BCAS1: variants seen among roughly 807,000 people sequenced by gnomAD.
BCAS1 encodes the protein breast carcinoma-amplified sequence 1.
In BCAS1, 46 loss-of-function variants were observed where a neutral mutation model predicts 65.4. That is an observed-to-expected ratio of 0.70 (90% CI 0.55 to 0.90). The LOEUF is 0.90. Ranked by LOEUF, BCAS1 falls within the 40% of genes least tolerant of loss-of-function variation. The pLI, the probability that BCAS1 is intolerant of heterozygous loss-of-function variation, is 0.00. For missense variants in BCAS1, 793 were observed against 771.2 expected, an observed-to-expected ratio of 1.03 and a Z score of -0.33; for synonymous variants, 298 against 293.5, an observed-to-expected ratio of 1.02 and a Z score of -0.16.
At chr20:53,975,237 T>C in intron 9 of BCAS1, 152 bp downstream of exon 9, 1 of 588,606 alleles carries the variant, frequency 1.7e-6, no homozygotes, top group African/African-American at 1.9e-5. Context: ...CCTCCATGCG[T>C]CCCTAATCAC....
chr20:53,982,820 T>C (rs2090516377), intron 8 of BCAS1, among the ~76,000 whole-genome samples: 1 of 152,192 alleles, frequency 6.6e-6, no homozygotes, highest in Admixed American at 6.5e-5. Flanking sequence ...ATGCCTAGTA[T>C]TTAGCACAAA....
intron 7 of BCAS1, among the ~76,000 whole-genome samples, chr20:53,988,190 C>A (rs2090664325): frequency 6.6e-6 from 1 of 152,138 alleles, no homozygotes; most frequent in Admixed American, 6.5e-5. Flanking sequence ...CTCAAGGGTT[C>A]CCTTTGATGT....
chr20:54,030,271 G>A (rs1005157443), intron 3 of BCAS1, among the ~76,000 whole-genome samples: 3 of 152,218 alleles, frequency 2.0e-5, no homozygotes, highest in Non-Finnish European at 4.4e-5. Context: ...GTGATATGGA[G>A]TAAATCACTA....
chr20:53,957,721 A>G, intron 10 of BCAS1, among the ~76,000 whole-genome samples: 1 of 152,200 alleles, frequency 6.6e-6, no homozygotes, highest in East Asian at 1.9e-4. Flanking sequence ...AATAACAACA[A>G]AAGTACTAAA....
At chr20:54,023,041 T>C (rs2091596158) in intron 4 of BCAS1, among the ~76,000 whole-genome samples, 1 of 152,254 alleles carries the variant, frequency 6.6e-6, no homozygotes. Context: ...TCTTTACCAG[T>C]TGAAAAGGCA....
At chr20:54,050,255 G>A (rs536276346) in intron 3 of BCAS1, among the ~76,000 whole-genome samples, 1 of 152,256 alleles carries the variant, frequency 6.6e-6, no homozygotes, top group African/African-American at 2.4e-5. Context: ...GATAATCCAG[G>A]ATAATATCAT....
At chr20:54,032,412 A>G (rs1342914098) in intron 3 of BCAS1, among the ~76,000 whole-genome samples, 1 of 151,394 alleles carries the variant, frequency 6.6e-6, no homozygotes, top group African/African-American at 2.4e-5. Context: ...AAGCAACTAC[A>G]TAACAAGTCT....
At chr20:53,975,566 T>A in intron 8 of BCAS1, 136 bp from the exon 9 acceptor site, 1 of 474,674 alleles carries the variant, frequency 2.1e-6, no homozygotes, top group Non-Finnish European at 3.8e-6. Flanking sequence ...TACACCTCCT[T>A]CTAAAAAGAA....
intron 11 of BCAS1, among the ~76,000 whole-genome samples, chr20:53,954,612 A>G (rs2089645794): frequency 1.3e-5 from 2 of 152,238 alleles, no homozygotes. Flanking sequence ...ACAATCCCAC[A>G]TGCTTCCAAT....
chr20:53,989,261 T>C (rs1568848733), intron 7 of BCAS1, among the ~76,000 whole-genome samples: 1 of 152,188 alleles, frequency 6.6e-6, no homozygotes, highest in Non-Finnish European at 1.5e-5. Flanking sequence ...TGACCAATTT[T>C]TTTTTCTCTT....
chr20:54,030,314 G>T (rs996746232), intron 3 of BCAS1, among the ~76,000 whole-genome samples: 1 of 152,182 alleles, frequency 6.6e-6, no homozygotes, highest in African/African-American at 2.4e-5. Context: ...TGTAAAATGG[G>T]AATATTGGTA....
At chr20:54,027,286 T>C (rs1306867682) in intron 4 of BCAS1, among the ~76,000 whole-genome samples, 6 of 152,204 alleles carry the variant, frequency 3.9e-5, no homozygotes, top group East Asian at 1.9e-4. Context: ...CCAGCCTTCA[T>C]AATGTAATTC....
intron 11 of BCAS1, among the ~76,000 whole-genome samples, 166 bp from the exon 12 acceptor site, chr20:53,953,861 A>G (rs1039743634): frequency 1.3e-5 from 2 of 152,148 alleles, no homozygotes; most frequent in Non-Finnish European, 2.9e-5. Context: ...TGCACTTATG[A>G]AGTCATGGTG....
chr20:54,009,170 T>G (rs1403785586), intron 4 of BCAS1, among the ~76,000 whole-genome samples: 1 of 152,148 alleles, frequency 6.6e-6, no homozygotes, highest in Non-Finnish European at 1.5e-5. Context: ...ATTGTAACAG[T>G]GCTTGAAACA....
chr20:53,966,681 A>G (rs1419143292), intron 10 of BCAS1, among the ~76,000 whole-genome samples: 1 of 152,216 alleles, frequency 6.6e-6, no homozygotes, highest in Non-Finnish European at 1.5e-5. Context: ...AAGTGTTAGC[A>G]GGCATTAAAG....
intron 10 of BCAS1, among the ~76,000 whole-genome samples, chr20:53,966,070 G>A (rs2090017891): frequency 6.6e-6 from 1 of 152,132 alleles, no homozygotes; most frequent in South Asian, 2.1e-4. Flanking sequence ...ACAGTGTGGA[G>A]ATTCCTTAAA....
Position 54,002,737 on chromosome 20 carries a change from A to G in BCAS1, c.724-6687T>C, listed in dbSNP as rs535022403. Among the ~76,000 whole-genome samples, 19 of 152,374 alleles carry G rather than the reference A, an allele frequency of 1.2e-4. No individual in the cohort carries two copies. The South Asian group carries it at 3.7e-3, about 30-fold the overall frequency. On this transcript the variant is annotated intron_variant, in intron 4 of 12. Coordinates refer to ENST00000688948, the MANE Select transcript of BCAS1 (RefSeq NM_001366298.2). ...GATTATGAACATTATTTATAAATGAATAAATGAAGGGAAGAATGAATGTCA... is the reference window on the plus strand; with the variant it reads ...GATTATGAACATTATTTATAAATGAGTAAATGAAGGGAAGAATGAATGTCA...
chr20:54,058,230 A>G, intron 2 of BCAS1, 76 bp from the exon 3 acceptor site: 1 of 1,293,552 alleles, frequency 7.7e-7, no homozygotes. Context: ...AACCTCTAAG[A>G]TACAAGGGTG....
intron 1 of BCAS1, among the ~76,000 whole-genome samples, chr20:54,069,904 G>C (rs1357061922): frequency 6.6e-6 from 1 of 152,182 alleles, no homozygotes. Flanking sequence ...TAAACAGCAG[G>C]GGTCCTGAAG....
Sources: allele counts gnomAD v4.1 joint callset (sites outside exome capture counted in the v4.1 genomes callset), GRCh38; gene constraint gnomAD v4.1.1; transcripts MANE v1.5; gene names NCBI Gene and HGNC (gene_info 2026-07-23, HGNC 2026-07-21).